The following KCTD8 variants were observed in gnomAD, a reference collection of about 807,000 sequenced individuals.
KCTD8 encodes potassium channel tetramerization domain containing 8, also known as BTB/POZ domain-containing protein KCTD8.
KCTD8 carries 27 observed loss-of-function variants against 31.5 expected under a neutral mutation model. The ratio of observed to expected loss-of-function variants is 0.86; its 90% confidence interval spans 0.63 to 1.18. The LOEUF is 1.18. KCTD8 is among the 50% of genes most tolerant of loss of function. The pLI is 0.00. For missense variants in KCTD8, 658 were observed against 647.7 expected, an observed-to-expected ratio of 1.02 and a Z score of -0.17; for synonymous variants, 290 against 280.0, an observed-to-expected ratio of 1.04 and a Z score of -0.36.
At chr4:44,198,199 T>G (rs980259193) in intron 1 of KCTD8, among the ~76,000 whole-genome samples, 1 of 152,104 alleles carries the variant, frequency 6.6e-6, no homozygotes, top group African/African-American at 2.4e-5. Context: ...CTGGGAGAGA[T>G]AGAGAGTGAA....
intron 1 of KCTD8, among the ~76,000 whole-genome samples, chr4:44,312,321 C>T (rs1397411161): frequency 1.3e-5 from 2 of 152,018 alleles, no homozygotes; most frequent in African/African-American, 2.4e-5. Flanking sequence ...AATAGACTTC[C>T]TAATTGCATC....
At chr4:44,256,642 C>T (rs891354166) in intron 1 of KCTD8, among the ~76,000 whole-genome samples, 1 of 151,824 alleles carries the variant, frequency 6.6e-6, no homozygotes, top group African/African-American at 2.4e-5. Flanking sequence ...CCTGTATAAT[C>T]TGAGCGAGCC....
At chr4:44,199,848 GA>G (rs1714078964) in intron 1 of KCTD8, among the ~76,000 whole-genome samples, 1 of 151,656 alleles carries the variant, frequency 6.6e-6, no homozygotes, top group Non-Finnish European at 1.5e-5. Flanking sequence ...CCATACAAAA[GA>G]TCAATGAAAC....
intron 1 of KCTD8, among the ~76,000 whole-genome samples, chr4:44,291,488 A>C (rs1382582900): frequency 6.6e-6 from 1 of 152,212 alleles, no homozygotes; most frequent in Non-Finnish European, 1.5e-5. Context: ...AAATTAACTC[A>C]AGATGAATAC....
chr4:44,388,034 TA>T (rs1720268124), intron 1 of KCTD8, among the ~76,000 whole-genome samples: 1 of 143,704 alleles, frequency 7.0e-6, no homozygotes, highest in Admixed American at 6.9e-5. Context: ...AAAAACCTCA[TA>T]AAAAAGTGGG....
At chr4:44,334,326 A>C (rs1248788636) in intron 1 of KCTD8, among the ~76,000 whole-genome samples, 3 of 152,136 alleles carry the variant, frequency 2.0e-5, no homozygotes, top group Admixed American at 6.5e-5. Context: ...TATAAATTTC[A>C]AAGCAGAAAT....
intron 1 of KCTD8, among the ~76,000 whole-genome samples, chr4:44,314,992 C>T (rs1718066436): frequency 1.3e-5 from 2 of 151,234 alleles, no homozygotes; most frequent in African/African-American, 4.8e-5. Flanking sequence ...TCAAATATGA[C>T]ACTTAAAATT....
intron 1 of KCTD8, among the ~76,000 whole-genome samples, chr4:44,247,263 GA>G (rs568730830): frequency 2.0e-5 from 3 of 150,968 alleles, no homozygotes; most frequent in East Asian, 3.9e-4. Context: ...TTCCAAAAGG[GA>G]AAAAAAAGCA....
chr4:44,288,822 A>G (rs1188064741), intron 1 of KCTD8, among the ~76,000 whole-genome samples: 2 of 152,068 alleles, frequency 1.3e-5, no homozygotes, highest in African/African-American at 2.4e-5. Flanking sequence ...CTTTCTGCAT[A>G]TATACTGAGA....
intron 1 of KCTD8, among the ~76,000 whole-genome samples, chr4:44,176,521 G>A (rs1363293872): frequency 6.6e-6 from 1 of 152,116 alleles, no homozygotes; most frequent in Non-Finnish European, 1.5e-5. Flanking sequence ...TACTCAGAAG[G>A]ATTAAGAGAT....
chr4:44,275,341 CCCT>C (rs1716723783), intron 1 of KCTD8, among the ~76,000 whole-genome samples: 1 of 151,932 alleles, frequency 6.6e-6, no homozygotes, highest in Non-Finnish European at 1.5e-5. Context: ...TCTGTCTTCT[CCCT>C]CCTTTCTTCC....
intron 1 of KCTD8, among the ~76,000 whole-genome samples, chr4:44,248,452 C>CA (rs545805566): frequency 0.034 from 4,730 of 139,746 alleles, 94 homozygotes; most frequent in Middle Eastern, 0.1. Flanking sequence ...CCTACCCAAC[C>CA]AAAAAAAAAA....
At chr4:44,410,278 G>A (rs1301531235) in intron 1 of KCTD8, among the ~76,000 whole-genome samples, 2 of 151,924 alleles carry the variant, frequency 1.3e-5, no homozygotes, top group Non-Finnish European at 2.9e-5. Context: ...ACATCACTAT[G>A]GATTAATGCC....
intron 1 of KCTD8, among the ~76,000 whole-genome samples, chr4:44,290,841 C>T (rs1009489484): frequency 5.3e-5 from 8 of 152,006 alleles, no homozygotes; most frequent in South Asian, 2.1e-4. Flanking sequence ...TAGAAATAAA[C>T]GCCTTCATCA....
rs75484719 is a variant in KCTD8 at position 44,309,957 on chromosome 4, G to A, written c.962-134707C>T. Among the ~76,000 whole-genome samples, 1,191 of 152,030 alleles carry A rather than the reference G, an allele frequency of 7.8e-3. 15 individuals carry two copies. The highest frequency in any genetic ancestry group is 0.027 in the African/African-American group (1,108 of 41,472). Reference sequence around the variant, plus strand: ...GTATCAAATTTTTGAAGGTAATGTCGTCATAGGATCTATATCATTTTCAAA... The same window carrying A: ...GTATCAAATTTTTGAAGGTAATGTCATCATAGGATCTATATCATTTTCAAA... On this transcript the variant is annotated intron_variant, in intron 1 of 1. Transcript: ENST00000360029.
intron 1 of KCTD8, among the ~76,000 whole-genome samples, chr4:44,265,730 G>T (rs1221202618): frequency 6.6e-6 from 1 of 152,188 alleles, no homozygotes; most frequent in Non-Finnish European, 1.5e-5. Flanking sequence ...CAAGGCTCGA[G>T]AACTACGTGA....
chr4:44,241,979 G>A (rs762723161), intron 1 of KCTD8, among the ~76,000 whole-genome samples: 2 of 152,282 alleles, frequency 1.3e-5, no homozygotes, highest in African/African-American at 2.4e-5. Context: ...CCAAGGGGAT[G>A]TTATTGTTAA....
chr4:44,238,193 T>C (rs960248701), intron 1 of KCTD8, among the ~76,000 whole-genome samples: 4 of 151,754 alleles, frequency 2.6e-5, no homozygotes, highest in African/African-American at 7.3e-5. Flanking sequence ...TGCAAAGTTC[T>C]CCCCGCCCTA....
intron 1 of KCTD8, among the ~76,000 whole-genome samples, chr4:44,391,752 C>A (rs1332432474): frequency 1.3e-5 from 2 of 151,830 alleles, no homozygotes; most frequent in Non-Finnish European, 2.9e-5. Flanking sequence ...TGGCACTCCT[C>A]AGCCTTATAT....
Sources: allele counts gnomAD v4.1 joint callset (sites outside exome capture counted in the v4.1 genomes callset), GRCh38; gene constraint gnomAD v4.1.1; transcripts MANE v1.5; gene names NCBI Gene and HGNC (gene_info 2026-07-23, HGNC 2026-07-21).